CHRM3: variants seen among roughly 807,000 people sequenced by gnomAD.
CHRM3 encodes cholinergic receptor muscarinic 3, also known as muscarinic acetylcholine receptor M3.
CHRM3 carries 11 observed loss-of-function variants against 41.8 expected under a neutral mutation model. That is an observed-to-expected ratio of 0.26 (90% confidence interval 0.17 to 0.44). CHRM3 has a LOEUF of 0.44. Ranked by LOEUF, CHRM3 falls within the 20% of genes least tolerant of loss-of-function variation. The probability of loss-of-function intolerance (pLI) is 1.00; values close to 1 mark genes in which losing one functional copy is unlikely to be tolerated. For missense variants in CHRM3, 571 were observed against 745.4 expected (o/e 0.77, Z 2.72); for synonymous variants, 297 against 301.4 (o/e 0.99, Z 0.15).
chr1:239,623,483 GTT>G lies in CHRM3; in HGVS notation c.-312-8729_-312-8728del, dbSNP rs34689648. ...CTGCATGGTATTCCATGGTGTATAA[GTT>G]TTTTTTTTTTTAATTTTTTTTTTTT... is the stretch of plus-strand genomic sequence containing the variant. On this transcript the variant is annotated intron_variant, in intron 3 of 6. Coordinates refer to ENST00000676153, the MANE Select transcript of CHRM3 (RefSeq NM_001375978.1). 6.7e-3 allele frequency among the ~76,000 whole-genome samples: 894 copies of G among 133,560 alleles called. 8 individuals are homozygous for G. Among genetic ancestry groups the G allele is most frequent in the Admixed American group, 9.6e-3 (130 of 13,588 alleles). The allele number at this position is 133,560 out of a possible 152,430, so 87.6% of individuals were successfully genotyped here. A position where few individuals can be genotyped will look rare whatever the true frequency, so the allele number is the denominator to read the frequency against.
intron 5 of CHRM3, among the ~76,000 whole-genome samples, chr1:239,713,102 G>A (rs1172078202): frequency 1.3e-5 from 2 of 152,154 alleles, no homozygotes; most frequent in East Asian, 1.9e-4. Context: ...CTGTGTCAAC[G>A]TACTTCATGG....
intron 4 of CHRM3, among the ~76,000 whole-genome samples, chr1:239,660,447 T>G (rs946066189): frequency 5.9e-5 from 9 of 152,226 alleles, no homozygotes; most frequent in Admixed American, 1.3e-4. Flanking sequence ...GTCTAGCTCT[T>G]CTGACAAGCT....
intron 4 of CHRM3, among the ~76,000 whole-genome samples, chr1:239,641,811 A>G (rs1212973188): frequency 2.3e-5 from 3 of 127,748 alleles, no homozygotes; most frequent in Non-Finnish European, 5.0e-5. Context: ...TGTCATTATG[A>G]TGTTAGCTGG....
At chr1:239,472,425 A>C (rs1458422633) in intron 1 of CHRM3, among the ~76,000 whole-genome samples, 1 of 152,158 alleles carries the variant, frequency 6.6e-6, no homozygotes, top group Non-Finnish European at 1.5e-5. Flanking sequence ...GAAAATAATT[A>C]ATAGAGTGAT....
At chr1:239,831,978 T>G (rs1672928999) in intron 6 of CHRM3, among the ~76,000 whole-genome samples, 2 of 152,246 alleles carry the variant, frequency 1.3e-5, no homozygotes, top group Admixed American at 6.5e-5. Flanking sequence ...GTGTATTTAC[T>G]GAAAGACCAT....
chr1:239,592,937 G>T (rs141207515), intron 3 of CHRM3, among the ~76,000 whole-genome samples: 5 of 151,866 alleles, frequency 3.3e-5, no homozygotes, highest in African/African-American at 1.2e-4. Context: ...CCCCAGATCC[G>T]CTCCTCCCCC....
chr1:239,760,280 G>A (rs570348485), intron 5 of CHRM3, among the ~76,000 whole-genome samples: 22 of 151,786 alleles, frequency 1.4e-4, no homozygotes, highest in East Asian at 1.2e-3. Flanking sequence ...ATTTGTCTCC[G>A]CAGTGGGTTC....
intron 3 of CHRM3, among the ~76,000 whole-genome samples, chr1:239,619,107 G>T (rs983037107): frequency 2.6e-5 from 4 of 151,598 alleles, no homozygotes; most frequent in Non-Finnish European, 5.9e-5. Flanking sequence ...TAGAGATGGG[G>T]TTTTGCCATG....
intron 1 of CHRM3, among the ~76,000 whole-genome samples, chr1:239,491,581 C>T (rs1236576262): frequency 1.3e-5 from 2 of 152,306 alleles, no homozygotes; most frequent in Admixed American, 6.5e-5. Flanking sequence ...TAGCCCTTCA[C>T]GCACTGTTAG....
chr1:239,745,560 A>T (rs561774179), intron 5 of CHRM3, among the ~76,000 whole-genome samples: 1 of 152,174 alleles, frequency 6.6e-6, no homozygotes, highest in East Asian at 1.9e-4. Flanking sequence ...TTGTTCCATA[A>T]GTATACACAT....
intron 3 of CHRM3, among the ~76,000 whole-genome samples, chr1:239,617,814 A>C (rs1667793707): frequency 6.6e-6 from 1 of 152,122 alleles, no homozygotes; most frequent in Admixed American, 6.5e-5. Flanking sequence ...TCCAACATTC[A>C]TTTCTGTCGC....
chr1:239,433,525 T>C (rs956917691), intron 1 of CHRM3, among the ~76,000 whole-genome samples: 7 of 152,172 alleles, frequency 4.6e-5, no homozygotes, highest in Non-Finnish European at 8.8e-5. Flanking sequence ...AGTAAGCTCT[T>C]TAGTGGTGAT....
chr1:239,874,660 C>T lies in CHRM3; in HGVS notation c.-19-32773C>T, dbSNP rs80095210. Among the ~76,000 whole-genome samples, 583 of 151,048 alleles carry T rather than the reference C, an allele frequency of 3.9e-3. 6 individuals carry two copies. Among genetic ancestry groups the T allele is most frequent in the African/African-American group, 0.013 (546 of 41,144 alleles). On this transcript the variant is annotated intron_variant, in intron 6 of 6. Coordinates refer to ENST00000676153, the MANE Select transcript of CHRM3 (RefSeq NM_001375978.1). ...CCTAAGGGCAATGTCAGTCTGTTAC[C>T]AGGTTGGTGCAAAAGTAATTGGGGT... is the stretch of plus-strand genomic sequence containing the variant.
At chr1:239,730,748 G>T (rs752581218) in intron 5 of CHRM3, among the ~76,000 whole-genome samples, 100 of 152,032 alleles carry the variant, frequency 6.6e-4, no homozygotes, top group Non-Finnish European at 7.2e-4. Flanking sequence ...ACAATGGAAA[G>T]ATTTCTATTT....
chr1:239,668,089 C>CTTTTTTTT (rs1221135009), intron 4 of CHRM3, among the ~76,000 whole-genome samples: 24 of 75,596 alleles, frequency 3.2e-4, no homozygotes, highest in East Asian at 7.2e-4. Flanking sequence ...TTTCCCCTTT[C>CTTTTTTTT]TTTTTTTTTT....
chr1:239,477,070 T>C (rs1666516407), intron 1 of CHRM3, among the ~76,000 whole-genome samples: 1 of 152,208 alleles, frequency 6.6e-6, no homozygotes, highest in African/African-American at 2.4e-5. Flanking sequence ...TAAAGTAGCA[T>C]AATGATTTCA....
chr1:239,584,254 C>G (rs1663190429), intron 3 of CHRM3, among the ~76,000 whole-genome samples: 1 of 151,756 alleles, frequency 6.6e-6, no homozygotes, highest in Non-Finnish European at 1.5e-5. Flanking sequence ...CAGGTGTGTG[C>G]CACCATGCCT....
At chr1:239,470,395 C>T (rs1666030199) in intron 1 of CHRM3, among the ~76,000 whole-genome samples, 1 of 152,156 alleles carries the variant, frequency 6.6e-6, no homozygotes, top group Non-Finnish European at 1.5e-5. Flanking sequence ...TTTTAAGCCA[C>T]CCAGTTTGTG....
chr1:239,818,136 G>A (rs925020121), intron 5 of CHRM3, among the ~76,000 whole-genome samples: 3 of 152,152 alleles, frequency 2.0e-5, no homozygotes, highest in East Asian at 3.9e-4. Flanking sequence ...GATATCTGGT[G>A]AGGGCTCTCT....
Sources: allele counts gnomAD v4.1 joint callset (sites outside exome capture counted in the v4.1 genomes callset), GRCh38; gene constraint gnomAD v4.1.1; transcripts MANE v1.5; gene names NCBI Gene and HGNC (gene_info 2026-07-23, HGNC 2026-07-21).